The following CENPM variants were observed in gnomAD, a reference collection of about 807,000 sequenced individuals.
CENPM encodes centromere protein M.
In CENPM, 14 loss-of-function variants were observed where a neutral mutation model predicts 19.6. The ratio of observed to expected loss-of-function variants is 0.71; its 90% confidence interval spans 0.47 to 1.11. The LOEUF is 1.11. Among genes scored for constraint, CENPM ranks in the 50% most tolerant of loss-of-function variants. The pLI, the probability that CENPM is intolerant of heterozygous loss-of-function variation, is 0.00. For synonymous variants in CENPM, 114 were observed against 101.5 expected, an observed-to-expected ratio of 1.12 and a Z score of -0.74; for missense variants, 239 against 228.4, an observed-to-expected ratio of 1.05 and a Z score of -0.30.
chr22:41,933,079 G>C, the CENPM span, among the ~76,000 whole-genome samples: 1 of 152,166 alleles, frequency 6.6e-6, no homozygotes, highest in Non-Finnish European at 1.5e-5. Context: ...AAGGCCTGGT[G>C]GATGGTGACC....
At chr22:41,930,807 A>AC in the CENPM span, among the ~76,000 whole-genome samples, 7 of 149,192 alleles carry the variant, frequency 4.7e-5, no homozygotes, top group Non-Finnish European at 8.9e-5. Context: ...GGCATGAGCC[A>AC]CCACTCCTGG....
rs556003117 is a variant in CENPM at position 41,942,567 on chromosome 22, G to A, written c.402+1043C>T. Among the ~76,000 whole-genome samples the A allele has an allele frequency of 6.8e-4, 104 of 152,116 alleles. 3 individuals carry two copies. In the South Asian group the frequency reaches 0.021, roughly 31 times the overall value. On this transcript the variant is annotated intron_variant, in intron 5 of 5. Coordinates refer to ENST00000215980, the MANE Select transcript of CENPM (RefSeq NM_024053.5). ...AGATTGAGACCATCCTGGCTAACAC[G>A]GTGAAACCCCGTCTCTACTAAAAAA... is the stretch of plus-strand genomic sequence containing the variant.
chr22:41,934,635 C>G (rs1437940447), downstream of CENPM, among the ~76,000 whole-genome samples: 2 of 152,190 alleles, frequency 1.3e-5, no homozygotes, highest in Non-Finnish European at 2.9e-5. Context: ...CAATTTGAGA[C>G]CAGCCTGGGC....
At chr22:41,943,468 T>C (rs943407334) in intron 5 of CENPM, 142 bp downstream of exon 5, 1 of 661,944 alleles carries the variant, frequency 1.5e-6, no homozygotes, top group African/African-American at 1.8e-5. Flanking sequence ...CAAACCAGGA[T>C]CCTGTGTCTC....
At chr22:41,946,692 A>G in intron 1 of CENPM, 196 bp from the exon 2 acceptor site, 2 of 600,860 alleles carry the variant, frequency 3.3e-6, no homozygotes, top group Non-Finnish European at 5.9e-6. Context: ...GCCTGTGGGC[A>G]CCGCACTCTC....
chr22:41,928,457 G>C, the CENPM span, among the ~76,000 whole-genome samples: 1 of 152,202 alleles, frequency 6.6e-6, no homozygotes, highest in Admixed American at 6.5e-5. The surrounding 1 kb of genome is among the most constrained non-coding windows in gnomAD (Gnocchi z 4.0). Flanking sequence ...GCTCAGCAGA[G>C]AGCATGGGGT....
At chr22:41,946,586 G>A in intron 1 of CENPM, 90 bp from the exon 2 acceptor site, 2 of 1,061,556 alleles carry the variant, frequency 1.9e-6, no homozygotes, top group East Asian at 2.5e-5. Context: ...CGGGGGGATC[G>A]GGACACCGCC....
At chr22:41,932,549 C>G in the CENPM span, among the ~76,000 whole-genome samples, 4 of 152,260 alleles carry the variant, frequency 2.6e-5, no homozygotes, top group Admixed American at 2.0e-4. The surrounding 1 kb of genome is among the most constrained non-coding windows in gnomAD (Gnocchi z 4.3). Flanking sequence ...ACTCCATGCA[C>G]ACGTGCGCAC....
chr22:41,938,818 GAC>G lies in CENPM; in HGVS notation c.*236_*237del. 2.1e-6 allele frequency: 1 copy of G among 473,156 alleles called. No homozygotes were observed. The highest frequency in any genetic ancestry group is 3.7e-6 in the Non-Finnish European group (1 of 267,262). 29.3% of individuals were successfully genotyped at this position (473,156 alleles called of 1,614,324 possible). A position where few individuals can be genotyped will look rare whatever the true frequency, so the allele number is the denominator to read the frequency against. On this transcript the variant is annotated 3_prime_UTR_variant, in exon 6 of 6. Transcript: ENST00000215980. ...AGATGTAACACGCCAGCTGCTTAAA[GAC>G]ACAGGCTCTGCAAGAGTGAGTGTGG...
At chr22:41,941,243 G>A (rs942180026) in intron 5 of CENPM, among the ~76,000 whole-genome samples, 1 of 152,168 alleles carries the variant, frequency 6.6e-6, no homozygotes, top group Non-Finnish European at 1.5e-5. Flanking sequence ...ATATATGGTG[G>A]GGCTTAAACT....
intron 4 of CENPM, chr22:41,944,863 A>G (rs1396257574): frequency 9.4e-6 from 10 of 1,068,322 alleles, no homozygotes; most frequent in Non-Finnish European, 9.1e-6. Context: ...ATCTGCTCAT[A>G]TTCACTCTTA....
chr22:41,929,608 A>T, the CENPM span, among the ~76,000 whole-genome samples: 3 of 152,214 alleles, frequency 2.0e-5, no homozygotes, highest in Non-Finnish European at 4.4e-5. Context: ...AGGGTCCCTT[A>T]CCTTGGCCAG....
rs1334060492 is a variant in CENPM at position 41,946,726 on chromosome 22, C to T, written c.58-230G>A. 1.2e-5 allele frequency: 7 copies of T among 594,976 alleles called. No individual in the cohort carries two copies. In the Admixed American group the frequency reaches 1.8e-4, roughly 15 times the overall value. The allele number at this position is 594,976 out of a possible 1,614,324, so 36.9% of individuals were successfully genotyped here. On this transcript the variant is annotated intron_variant, in intron 1 of 5. Transcript: ENST00000215980. ...TCTACTACCCGACCCTCGCTCCCAC[C>T]GCCGGCCTCTCCAGGAGGCCAGACC...
intron 5 of CENPM, chr22:41,940,065 C>A (rs1202258348): frequency 1.4e-6 from 1 of 712,404 alleles, no homozygotes; most frequent in East Asian, 2.7e-5. Flanking sequence ...GATCCAGCCC[C>A]ACCATTCCTG....
At chr22:41,931,043 C>A in the CENPM span, among the ~76,000 whole-genome samples, 2 of 149,086 alleles carry the variant, frequency 1.3e-5, no homozygotes, top group African/African-American at 4.9e-5. Context: ...ACCATGTTGG[C>A]CAGGCTGGTC....
chr22:41,945,877 G>T (rs1275891960), intron 3 of CENPM, 36 bp downstream of exon 3: 1 of 1,536,828 alleles, frequency 6.5e-7, no homozygotes, highest in African/African-American at 1.4e-5. Context: ...AGCCAGGCCT[G>T]CCTGAGCCCT....
At chr22:41,937,331 C>T (rs1379083201), downstream of CENPM, among the ~76,000 whole-genome samples, 1 of 152,132 alleles carries the variant, frequency 6.6e-6, no homozygotes, top group Non-Finnish European at 1.5e-5. Context: ...AGTCTCGCTC[C>T]GCTGCCTGGG....
chr22:41,933,699 T>G, the CENPM span, among the ~76,000 whole-genome samples: 1 of 152,154 alleles, frequency 6.6e-6, no homozygotes. Flanking sequence ...GAGACATTCT[T>G]TCACAGAGAC....
intron 5 of CENPM, among the ~76,000 whole-genome samples, chr22:41,941,403 C>T (rs2077737567): frequency 6.6e-6 from 1 of 152,208 alleles, no homozygotes; most frequent in Non-Finnish European, 1.5e-5. Flanking sequence ...CAGGCTGGGA[C>T]CTCCTGCTTC....
Sources: gnomAD v4.1 joint callset for allele counts (sites outside exome capture counted in the v4.1 genomes callset) on GRCh38, gnomAD v4.1.1 for gene constraint, Gnocchi (gnomAD v3.1) non-coding constraint, MANE v1.5 for transcripts, NCBI Gene and HGNC (gene_info 2026-07-23, HGNC 2026-07-21) for gene names.